VGLL4: variants seen among roughly 807,000 people sequenced by gnomAD.
VGLL4 encodes the protein transcription cofactor vestigial-like protein 4.
Under a neutral mutation model 21.0 loss-of-function variants are expected in VGLL4, and 7 were observed. The ratio of observed to expected loss-of-function variants is 0.33; its 90% confidence interval spans 0.19 to 0.63. The LOEUF (loss-of-function observed/expected upper bound fraction) is 0.63. Among genes scored for constraint, VGLL4 ranks in the 20% least tolerant of loss-of-function variants. The pLI, the probability that VGLL4 is intolerant of heterozygous loss-of-function variation, is 0.78. For missense variants in VGLL4, 394 were observed against 425.7 expected, an observed-to-expected ratio of 0.93 and a Z score of 0.66; for synonymous variants, 222 against 173.2, an observed-to-expected ratio of 1.28 and a Z score of -2.21.
At chr3:11,678,990 T>C (rs2076333812) in intron 2 of VGLL4, among the ~76,000 whole-genome samples, 1 of 152,214 alleles carries the variant, frequency 6.6e-6, no homozygotes, top group African/African-American at 2.4e-5. Flanking sequence ...TAAACACACC[T>C]GCGCTGCCAG....
chr3:11,564,707 G>A lies in VGLL4; in HGVS notation c.495+90C>T, dbSNP rs368564778. On this transcript the variant is annotated intron_variant, in intron 3 of 4. Transcript: ENST00000430365. ...CTCACCACCTCCCTCCCTCACCACC[G>A]CCCTCGGAGTCCTCTGCTCGGGGCT... The A allele has an allele frequency of 2.3e-5, 28 of 1,201,918 alleles. No homozygotes were observed. The African/African-American group carries it at 2.5e-4, about 11-fold the overall frequency. 74.5% of individuals were successfully genotyped at this position (1,201,918 alleles called of 1,614,324 possible). A position where few individuals can be genotyped will look rare whatever the true frequency, so the allele number is the denominator to read the frequency against.
At chr3:11,670,929 C>T (rs747069246) in intron 2 of VGLL4, among the ~76,000 whole-genome samples, 8 of 139,330 alleles carry the variant, frequency 5.7e-5, no homozygotes, top group South Asian at 2.8e-4. Flanking sequence ...TGCAGCTACT[C>T]GGGAGGCTGA....
chr3:11,633,175 T>G (rs2125318837), intron 1 of VGLL4: 1 of 152,316 alleles, frequency 6.6e-6, no homozygotes, highest in East Asian at 1.9e-4. Context: ...ATGCTTATCT[T>G]TAGTCAAAAG....
intron 1 of VGLL4, among the ~76,000 whole-genome samples, chr3:11,608,956 G>A (rs2075003901): frequency 6.6e-6 from 1 of 152,132 alleles, no homozygotes; most frequent in Admixed American, 6.5e-5. Context: ...CTGCCTCCTG[G>A]GTTCAAGTGA....
At chr3:11,674,049 G>A (rs543809133) in intron 2 of VGLL4, among the ~76,000 whole-genome samples, 2 of 150,134 alleles carry the variant, frequency 1.3e-5, no homozygotes, top group South Asian at 4.2e-4. Context: ...AAATCAGAAT[G>A]GTTTCACATT....
At position 11,709,339 on chromosome 3, in the gene VGLL4, A is replaced by G. The variant is rs539128402; in HGVS notation, c.-13-6292T>C. ...GTAATCCCAGCTACTCGGGAGGCTG[A>G]GGCAGGAGAATAGCTTGAACCTGAG... On this transcript the variant is annotated intron_variant, in intron 1 of 5. Transcript: ENST00000273038. Among the ~76,000 whole-genome samples, 6 of 150,028 alleles carry G rather than the reference A, an allele frequency of 4.0e-5. No individual in the cohort carries two copies. In the South Asian group the frequency reaches 1.3e-3, roughly 32 times the overall value.
intron 2 of VGLL4, among the ~76,000 whole-genome samples, chr3:11,572,399 G>T (rs1444983577): frequency 6.6e-6 from 1 of 152,132 alleles, no homozygotes; most frequent in African/African-American, 2.4e-5. Context: ...ACAAAGACTC[G>T]TGTACCTACC....
chr3:11,647,989 TA>T (rs11408793), upstream of VGLL4, among the ~76,000 whole-genome samples: 3,425 of 147,416 alleles, frequency 0.023, 133 homozygotes, highest in African/African-American at 0.074. Context: ...AGCTCATCCA[TA>T]AAAAAAAAAA....
rs1246679244 is a variant in VGLL4, at chr3:11,653,118, C to A, written c.64+49853G>T. ...GTTCGCTGCTAGCCCCAATGTGTGA[C>A]CCAACTTCATTTCACAGGTCAGTCT... On this transcript the variant is annotated intron_variant, in intron 2 of 5. Coordinates refer to the VGLL4 transcript ENST00000273038. The surrounding 1 kb of genome is among the most constrained non-coding windows in gnomAD (Gnocchi z 4.2). Among the ~76,000 whole-genome samples, 1 of 152,192 alleles carries A rather than the reference C, an allele frequency of 6.6e-6. No homozygotes were observed.
In VGLL4 at chr3:11,696,864, G is replaced by A. The variant is rs527916299; in HGVS notation, c.64+6107C>T. Among the ~76,000 whole-genome samples the A allele has an allele frequency of 1.4e-4, 22 of 152,158 alleles. No homozygotes were observed. In the South Asian group the frequency reaches 2.3e-3, roughly 16 times the overall value. The stretch of plus-strand genomic sequence containing the variant: ...GGTGATCCTCCCACCTCTGCCTCCC[G>A]AGTAGCTGGGACCCCGCCGGGTATG... On this transcript the variant is annotated intron_variant, in intron 2 of 5. Coordinates refer to the VGLL4 transcript ENST00000273038.
intron 1 of VGLL4, chr3:11,604,681 G>T: frequency 2.5e-6 from 1 of 401,546 alleles, no homozygotes; most frequent in Non-Finnish European, 3.3e-6. Context: ...ATTTGGGCAC[G>T]TGCTTCCCCT....
At chr3:11,684,259 T>C (rs2076413976) in intron 2 of VGLL4, among the ~76,000 whole-genome samples, 1 of 152,106 alleles carries the variant, frequency 6.6e-6, no homozygotes, top group Non-Finnish European at 1.5e-5. Flanking sequence ...ATAATATATA[T>C]GAAGAATATA....
intron 2 of VGLL4, among the ~76,000 whole-genome samples, chr3:11,595,890 A>G (rs7644740): frequency 0.82 from 122,967 of 150,420 alleles, 50,685 homozygotes; most frequent in Non-Finnish European, 0.86. Context: ...GCTAAATGAC[A>G]AGTTAATGGG....
At chr3:11,606,128 C>A (rs755362698) in intron 1 of VGLL4, among the ~76,000 whole-genome samples, 3 of 152,108 alleles carry the variant, frequency 2.0e-5, no homozygotes, top group Non-Finnish European at 4.4e-5. Context: ...TGATGACAGA[C>A]GAGAGAATGA....
In VGLL4 at chr3:11,703,121, A is replaced by G. The variant is rs1046836035; in HGVS notation, c.-13-74T>C. Reference sequence around the variant, plus strand: ...AAGACTCTTAGAATCCTAGTCATTAACAGAATGAGTCCTCAACCAAATGCA... The same window carrying G: ...AAGACTCTTAGAATCCTAGTCATTAGCAGAATGAGTCCTCAACCAAATGCA... On this transcript the variant is annotated intron_variant, in intron 1 of 5. Coordinates refer to the VGLL4 transcript ENST00000273038. The G allele has an allele frequency of 1.9e-5, 25 of 1,296,038 alleles. 1 individual carries two copies. Among genetic ancestry groups the G allele is most frequent in the Middle Eastern group, 2.0e-4 (1 of 5,034 alleles). 80.3% of individuals were successfully genotyped at this position (1,296,038 alleles called of 1,614,324 possible). A position where few individuals can be genotyped will look rare whatever the true frequency, so the allele number is the denominator to read the frequency against.
chr3:11,656,210 G>A (rs1248572964), intron 2 of VGLL4, among the ~76,000 whole-genome samples: 4 of 152,202 alleles, frequency 2.6e-5, no homozygotes, highest in East Asian at 1.9e-4. Context: ...GAGCACACAC[G>A]ACAGACGAGG....
upstream of VGLL4, among the ~76,000 whole-genome samples, chr3:11,648,735 AT>A (rs374234828): frequency 2.6e-5 from 4 of 152,346 alleles, no homozygotes; most frequent in South Asian, 6.2e-4. Flanking sequence ...TCTGAATAAC[AT>A]TTTTTAAGAG....
At chr3:11,618,771 C>G (rs1407720755) in intron 1 of VGLL4, among the ~76,000 whole-genome samples, 1 of 152,192 alleles carries the variant, frequency 6.6e-6, no homozygotes, top group Non-Finnish European at 1.5e-5. Flanking sequence ...ACAAAATCAT[C>G]CCCATGATGC....
intron 1 of VGLL4, among the ~76,000 whole-genome samples, chr3:11,704,398 A>AG (rs2076729501): frequency 1.4e-5 from 2 of 147,624 alleles, no homozygotes; most frequent in Admixed American, 1.3e-4. Flanking sequence ...AAAAAAAAAA[A>AG]AAAAAAAGAA....
Sources: gnomAD v4.1 joint callset for allele counts (sites outside exome capture counted in the v4.1 genomes callset) on GRCh38, gnomAD v4.1.1 for gene constraint, Gnocchi (gnomAD v3.1) non-coding constraint, MANE v1.5 for transcripts, NCBI Gene and HGNC (gene_info 2026-07-23, HGNC 2026-07-21) for gene names.